The following KATNAL1 variants were observed in gnomAD, a reference collection of about 807,000 sequenced individuals.
KATNAL1 encodes katanin p60 ATPase-containing subunit A-like 1.
A neutral mutation model predicts 55.2 loss-of-function variants in KATNAL1; 32 were observed. The observed-to-expected ratio is 0.58, with a 90% CI of 0.44 to 0.78. The LOEUF (loss-of-function observed/expected upper bound fraction) is 0.78, where lower values mean the gene tolerates loss of function less well. Among genes scored for constraint, KATNAL1 ranks in the 30% least tolerant of loss-of-function variants. The pLI is 0.00. For synonymous variants in KATNAL1, 193 were observed against 193.6 expected, an observed-to-expected ratio of 1.00 and a Z score of 0.02; for missense variants, 466 against 600.9, an observed-to-expected ratio of 0.78 and a Z score of 2.35.
intron 1 of KATNAL1, among the ~76,000 whole-genome samples, chr13:30,301,504 C>T (rs1301902726): frequency 6.6e-6 from 1 of 152,158 alleles, no homozygotes; most frequent in Non-Finnish European, 1.5e-5. Flanking sequence ...TTTTTCTAGG[C>T]ATTATCTCAT....
intron 3 of KATNAL1, among the ~76,000 whole-genome samples, chr13:30,263,135 T>A (rs1293373831): frequency 2.0e-5 from 3 of 152,200 alleles, no homozygotes; most frequent in Admixed American, 2.0e-4. Flanking sequence ...ATTATCTCAA[T>A]AGATGCAGAA....
At chr13:30,246,782 C>T (rs1004543277) in intron 4 of KATNAL1, among the ~76,000 whole-genome samples, 1 of 152,104 alleles carries the variant, frequency 6.6e-6, no homozygotes, top group African/African-American at 2.4e-5. Context: ...GGCCAACAAA[C>T]ATGAAAAAAG....
At chr13:30,215,173 A>G (rs1264889531) in intron 9 of KATNAL1, among the ~76,000 whole-genome samples, 3 of 151,968 alleles carry the variant, frequency 2.0e-5, no homozygotes, top group Non-Finnish European at 4.4e-5. Flanking sequence ...ACATGAAAAA[A>G]ATGCTCATCA....
intron 10 of KATNAL1, among the ~76,000 whole-genome samples, chr13:30,209,054 A>C (rs1810873282): frequency 6.6e-6 from 1 of 152,244 alleles, no homozygotes; most frequent in South Asian, 2.1e-4. Context: ...AAATTTTGAA[A>C]TACTGAATTG....
intron 4 of KATNAL1, among the ~76,000 whole-genome samples, chr13:30,242,041 A>G (rs987800893): frequency 2.0e-5 from 3 of 152,212 alleles, no homozygotes. Flanking sequence ...TGGCACCTAC[A>G]CAAGAAACAT....
At chr13:30,304,268 C>CTTTTT (rs35058135) in intron 1 of KATNAL1, among the ~76,000 whole-genome samples, 1 of 140,048 alleles carries the variant, frequency 7.1e-6, no homozygotes, top group African/African-American at 2.6e-5. Flanking sequence ...ACACACAACT[C>CTTTTT]TTTTTTTTTT....
intron 3 of KATNAL1, among the ~76,000 whole-genome samples, chr13:30,274,370 T>G (rs1880597964): frequency 6.6e-6 from 1 of 152,168 alleles, no homozygotes; most frequent in Admixed American, 6.5e-5. Context: ...ACAACAACTT[T>G]AATACCAAGT....
At chr13:30,274,895 GCGCGCGCGCGCGCACACACACAC>G (rs1462297393) in intron 3 of KATNAL1, among the ~76,000 whole-genome samples, 4 of 98,122 alleles carry the variant, frequency 4.1e-5, no homozygotes, top group African/African-American at 1.9e-4. Flanking sequence ...ACACATACGC[GCGCGCGCGCGCGCACACACACAC>G]ACACACACAC....
chr13:30,241,741 G>T (rs925074300), intron 4 of KATNAL1, among the ~76,000 whole-genome samples: 1 of 152,096 alleles, frequency 6.6e-6, no homozygotes, highest in Non-Finnish European at 1.5e-5. Flanking sequence ...AACTTCAACC[G>T]GAAAAGAGAC....
chr13:30,208,494 G>T lies in KATNAL1; in HGVS notation c.*46C>A. The T allele has an allele frequency of 7.2e-6, 10 of 1,388,512 alleles. No individual in the cohort carries two copies. The highest frequency in any genetic ancestry group is 7.0e-5 in the South Asian group (4 of 57,480). The allele number at this position is 1,388,512 out of a possible 1,614,324, so 86.0% of individuals were successfully genotyped here. On this transcript the variant is annotated 3_prime_UTR_variant, in exon 11 of 11. Transcript: ENST00000380615. ...TTTTAAAAATTGCAGGAATTTCTTCGTATTTTATCAACAAAAATACCAGAA... is the reference window on the plus strand; with the variant it reads ...TTTTAAAAATTGCAGGAATTTCTTCTTATTTTATCAACAAAAATACCAGAA...
rs960642762 is a variant in KATNAL1 at position 30,227,425 on chromosome 13, T to C, written c.1134A>G (p.Ile378Met). The change falls in exon 9 of 11, where the codon ATA (isoleucine) becomes ATG (methionine). Residue 378 changes from isoleucine (I) to methionine (M), a missense_variant. Physicochemically the swap from Ile to Met is conservative, Grantham distance 10. This residue lies in a region of KATNAL1 where 213 missense variants were observed against 308.6 expected (regional missense o/e 0.69). Transcript: ENST00000380615. ...LRRRLEKRIY[I>M]PLPTAKGRAE... ...AAGACATCATACCTGTTGGGAGAGG[T>C]ATATATATCCTTTTTTCTAACCTTC... 5 of 1,613,428 alleles carry C rather than the reference T, an allele frequency of 3.1e-6. No individual in the cohort carries two copies. Among genetic ancestry groups the C allele is most frequent in the Admixed American group, 3.3e-5 (2 of 59,968 alleles).
intron 3 of KATNAL1, among the ~76,000 whole-genome samples, chr13:30,274,901 GCGCGCGCACA>G (rs755387800): frequency 0.023 from 2,557 of 111,222 alleles, 26 homozygotes; most frequent in Middle Eastern, 0.037. Context: ...ACGCGCGCGC[GCGCGCGCACA>G]CACACACACA....
At chr13:30,209,813 GCT>G (rs1873489429) in intron 10 of KATNAL1, among the ~76,000 whole-genome samples, 1 of 151,734 alleles carries the variant, frequency 6.6e-6, no homozygotes, top group South Asian at 2.1e-4. Flanking sequence ...ACAGAGTCTC[GCT>G]CTGTTGCCCA....
intron 1 of KATNAL1, among the ~76,000 whole-genome samples, chr13:30,306,462 T>G (rs2073952): frequency 7.0e-6 from 1 of 143,366 alleles, no homozygotes; most frequent in Admixed American, 7.0e-5. Flanking sequence ...AAGGGGGGGG[T>G]GGGGTGGAGC....
chr13:30,217,315 G>C (rs1008329023), intron 9 of KATNAL1, among the ~76,000 whole-genome samples: 1 of 152,118 alleles, frequency 6.6e-6, no homozygotes, highest in African/African-American at 2.4e-5. Flanking sequence ...TTAGCCAGGC[G>C]TGGTGGCGGA....
At chr13:30,215,515 G>A (rs1874131287) in intron 9 of KATNAL1, among the ~76,000 whole-genome samples, 1 of 152,094 alleles carries the variant, frequency 6.6e-6, no homozygotes, top group African/African-American at 2.4e-5. Context: ...GCAAAGACTT[G>A]GAACCAACCC....
intron 3 of KATNAL1, among the ~76,000 whole-genome samples, chr13:30,260,217 T>C (rs1269805309): frequency 1.3e-5 from 2 of 151,878 alleles, no homozygotes; most frequent in Non-Finnish European, 2.9e-5. Flanking sequence ...CAAAAACCCA[T>C]CTGTACATCA....
Position 30,268,457 on chromosome 13 carries a change from A to T in KATNAL1, c.323+11606T>A, listed in dbSNP as rs141518634. On this transcript the variant is annotated intron_variant, in intron 3 of 10. Transcript: ENST00000380615. ...GTCTTAAGTAGTATAAATAAAAATA[A>T]ATCTACATTTAAATAATTCACAGTG... is the stretch of plus-strand genomic sequence containing the variant. Among the ~76,000 whole-genome samples, 526 of 152,356 alleles carry T rather than the reference A, an allele frequency of 3.5e-3. 2 individuals are homozygous for T. Among genetic ancestry groups the T allele is most frequent in the Non-Finnish European group, 5.4e-3 (370 of 68,036 alleles).
intron 1 of KATNAL1, among the ~76,000 whole-genome samples, chr13:30,293,729 C>T (rs184137340): frequency 5.9e-5 from 9 of 152,192 alleles, no homozygotes; most frequent in Non-Finnish European, 1.0e-4. Context: ...CTTCTCCCTA[C>T]ACAGGCCCAC....
Sources: gnomAD v4.1 joint callset for allele counts (sites outside exome capture counted in the v4.1 genomes callset) on GRCh38, gnomAD v4.1.1 for gene constraint, gnomAD v4.1.1 regional missense constraint, MANE v1.5 for transcripts, NCBI Gene and HGNC (gene_info 2026-07-23, HGNC 2026-07-21) for gene names.